The following REC114 variants were observed in gnomAD, a reference collection of about 807,000 sequenced individuals.
REC114 encodes REC114 meiotic recombination protein, also known as meiotic recombination protein REC114.
Under a neutral mutation model 31.3 loss-of-function variants are expected in REC114, and 27 were observed. The ratio of observed to expected loss-of-function variants is 0.86; its 90% CI spans 0.64 to 1.19. The LOEUF is 1.19. Ranked by LOEUF, REC114 falls within the 50% of genes most tolerant of loss-of-function variation. REC114 has a pLI of 0.00. For synonymous variants in REC114, 134 were observed against 127.7 expected, an observed-to-expected ratio of 1.05 and a Z score of -0.33; for missense variants, 344 against 326.9, an observed-to-expected ratio of 1.05 and a Z score of -0.40.
intron 2 of REC114, among the ~76,000 whole-genome samples, chr15:73,501,479 C>G (rs1191957430): frequency 6.6e-6 from 1 of 152,170 alleles, no homozygotes; most frequent in Non-Finnish European, 1.5e-5. Flanking sequence ...GAGTCTCGCT[C>G]TGTCTCCCAG....
chr15:73,479,002 T>C (rs1278124057), intron 2 of REC114, among the ~76,000 whole-genome samples: 1 of 152,176 alleles, frequency 6.6e-6, no homozygotes, highest in Non-Finnish European at 1.5e-5. Context: ...TAAATAAAGA[T>C]GTTTTACATT....
intron 3 of REC114, among the ~76,000 whole-genome samples, chr15:73,550,705 GT>G (rs1894374909): frequency 6.6e-6 from 1 of 152,176 alleles, no homozygotes; most frequent in Admixed American, 6.5e-5. Flanking sequence ...CTTTTCCACT[GT>G]TGCTGATGTC....
intron 5 of REC114, among the ~76,000 whole-genome samples, chr15:73,557,556 C>T (rs12324832): frequency 6.6e-6 from 1 of 151,908 alleles, no homozygotes; most frequent in African/African-American, 2.4e-5. Context: ...TAATAAACCC[C>T]TAACTATGAA....
chr15:73,558,055 T>C (rs1044973204), intron 5 of REC114, among the ~76,000 whole-genome samples: 1 of 152,160 alleles, frequency 6.6e-6, no homozygotes, highest in Admixed American at 6.5e-5. Context: ...ACAAGGGATG[T>C]AGGCTGCACA....
chr15:73,458,117 G>T (rs1892941409), intron 1 of REC114, among the ~76,000 whole-genome samples: 1 of 152,172 alleles, frequency 6.6e-6, no homozygotes, highest in African/African-American at 2.4e-5. Context: ...AGTCTTCATG[G>T]CCCAATTCTG....
intron 2 of REC114, among the ~76,000 whole-genome samples, chr15:73,510,238 C>G (rs1258023937): frequency 1.3e-5 from 2 of 152,092 alleles, no homozygotes; most frequent in East Asian, 3.9e-4. Context: ...ATTTAGCTCT[C>G]TGTTTGTCTG....
chr15:73,548,595 G>C (rs1021800939), intron 3 of REC114, among the ~76,000 whole-genome samples: 1 of 152,152 alleles, frequency 6.6e-6, no homozygotes, highest in South Asian at 2.1e-4. Flanking sequence ...ATATACTGTT[G>C]GTGGGAGTGT....
chr15:73,529,146 T>A (rs917743794), intron 2 of REC114, among the ~76,000 whole-genome samples: 24 of 151,350 alleles, frequency 1.6e-4, no homozygotes, highest in Non-Finnish European at 3.1e-4. Flanking sequence ...TTATTTTATT[T>A]TTTTTTTTGG....
At chr15:73,501,842 G>C (rs1389645389) in intron 2 of REC114, among the ~76,000 whole-genome samples, 1 of 152,152 alleles carries the variant, frequency 6.6e-6, no homozygotes, top group Admixed American at 6.5e-5. Context: ...CAAATAATCA[G>C]AACAGATACA....
chr15:73,528,063 T>TAA (rs147538535), intron 2 of REC114, among the ~76,000 whole-genome samples: 1 of 151,256 alleles, frequency 6.6e-6, no homozygotes, highest in Non-Finnish European at 1.5e-5. Flanking sequence ...GACACTTTTT[T>TAA]AAAAAAAAAC....
At chr15:73,445,976 A>G (rs933115266) in intron 1 of REC114, among the ~76,000 whole-genome samples, 1 of 152,240 alleles carries the variant, frequency 6.6e-6, no homozygotes, top group African/African-American at 2.4e-5. Context: ...GGTTGCCACA[A>G]ACCTTCAATG....
intron 2 of REC114, among the ~76,000 whole-genome samples, chr15:73,481,259 C>CAT (rs1893289832): frequency 1.3e-5 from 2 of 151,992 alleles, no homozygotes; most frequent in Non-Finnish European, 2.9e-5. Flanking sequence ...CTTTAACCAT[C>CAT]ATAGGTCTTT....
chr15:73,533,537 C>A (rs941471739), intron 2 of REC114, among the ~76,000 whole-genome samples: 1 of 151,784 alleles, frequency 6.6e-6, no homozygotes, highest in African/African-American at 2.4e-5. Flanking sequence ...ATTGATAAAG[C>A]AAGTCCTGAG....
At chr15:73,516,942 A>G (rs576086316) in intron 2 of REC114, among the ~76,000 whole-genome samples, 25 of 152,298 alleles carry the variant, frequency 1.6e-4, no homozygotes, top group African/African-American at 5.8e-4. Flanking sequence ...AAGGATTTTT[A>G]TATGCTCCAA....
At chr15:73,459,043 G>A (rs1305900698) in intron 1 of REC114, among the ~76,000 whole-genome samples, 1 of 152,116 alleles carries the variant, frequency 6.6e-6, no homozygotes, top group Non-Finnish European at 1.5e-5. Flanking sequence ...AGTAATTATT[G>A]TATGTTAATA....
chr15:73,443,336 A>G lies in REC114; in HGVS notation c.151A>G (p.Thr51Ala). ...CLEAGTAPCP[T>A]WKVFDSNEES... ...GGAAGCTGGGACAGCCCCCTGCCCC[A>G]CATGGAAGGTGAGGCCCGAAGGCAG... The change falls in exon 1 of 6, where the codon ACA (threonine) becomes GCA (alanine). Residue 51 changes from threonine (T) to alanine (A), a missense_variant. By Grantham distance (58) the Thr-to-Ala change is moderately conservative (BLOSUM62 0). Transcript: ENST00000331090. 1.9e-6 allele frequency: 3 copies of G among 1,575,324 alleles called. No homozygotes were observed. Among genetic ancestry groups the G allele is most frequent in the South Asian group, 1.2e-5 (1 of 85,508 alleles).
At chr15:73,500,398 A>C (rs1893588408) in intron 2 of REC114, among the ~76,000 whole-genome samples, 1 of 151,834 alleles carries the variant, frequency 6.6e-6, no homozygotes, top group Admixed American at 6.6e-5. Flanking sequence ...CAGATACGAC[A>C]AAAGAGTGTG....
At chr15:73,489,200 CT>C (rs60331328) in intron 2 of REC114, among the ~76,000 whole-genome samples, 5,192 of 126,198 alleles carry the variant, frequency 0.041, 65 homozygotes, top group African/African-American at 0.1. Flanking sequence ...CCTCCCCCAC[CT>C]TTTTTTTTTT....
intron 2 of REC114, among the ~76,000 whole-genome samples, chr15:73,499,767 TCCTTACAACTTCC>T (rs1893579379): frequency 6.6e-6 from 1 of 152,118 alleles, no homozygotes; most frequent in Non-Finnish European, 1.5e-5. Context: ...CAGTCCTGTT[TCCTTACAACTTCC>T]CCCAAATGAC....
Sources: allele counts gnomAD v4.1 joint callset (sites outside exome capture counted in the v4.1 genomes callset), GRCh38; gene constraint gnomAD v4.1.1; transcripts MANE v1.5; gene names NCBI Gene and HGNC (gene_info 2026-07-23, HGNC 2026-07-21).